The following CEP57L1 variants were observed in gnomAD, a reference collection of about 807,000 sequenced individuals.
CEP57L1 encodes the protein centrosomal protein 57 like 1.
In CEP57L1, 37 loss-of-function variants were observed where a neutral mutation model predicts 61.0. The ratio of observed to expected loss-of-function variants is 0.61; its 90% CI spans 0.47 to 0.80. The LOEUF is 0.80. Among genes scored for constraint, CEP57L1 ranks in the 30% least tolerant of loss-of-function variants. The pLI, the probability that CEP57L1 is intolerant of heterozygous loss-of-function variation, is 0.00. For synonymous variants in CEP57L1, 137 were observed against 162.3 expected (o/e 0.84, Z 1.19); for missense variants, 422 against 524.7 (o/e 0.80, Z 1.91).
chr6:109,151,657 T>C (rs1191215530), intron 4 of CEP57L1, among the ~76,000 whole-genome samples: 1 of 152,112 alleles, frequency 6.6e-6, no homozygotes. Flanking sequence ...GTTTTCCATT[T>C]GATATCATTT....
intron 1 of CEP57L1, among the ~76,000 whole-genome samples, chr6:109,112,205 G>A (rs1001053263): frequency 7.9e-5 from 12 of 152,138 alleles, no homozygotes; most frequent in Non-Finnish European, 1.5e-4. Context: ...TTCAGAACCT[G>A]TTATTGGTCT....
At chr6:109,110,790 C>T (rs1771514226) in intron 1 of CEP57L1, among the ~76,000 whole-genome samples, 1 of 152,082 alleles carries the variant, frequency 6.6e-6, no homozygotes, top group Admixed American at 6.6e-5. Context: ...GGAATTCTTT[C>T]CCCATTGCTT....
intron 9 of CEP57L1, among the ~76,000 whole-genome samples, 155 bp from the exon 10 acceptor site, chr6:109,160,417 A>G (rs1434047257): frequency 6.6e-6 from 1 of 152,214 alleles, no homozygotes; most frequent in Non-Finnish European, 1.5e-5. Flanking sequence ...TATATTTACC[A>G]TAGACTTAAT....
chr6:109,098,877 A>G (rs900765040), intron 1 of CEP57L1, among the ~76,000 whole-genome samples: 5 of 152,334 alleles, frequency 3.3e-5, no homozygotes, highest in African/African-American at 1.2e-4. Flanking sequence ...TAGGAAACTA[A>G]AGTAATAATC....
intron 4 of CEP57L1, among the ~76,000 whole-genome samples, chr6:109,152,847 G>A (rs570654620): frequency 6.6e-5 from 10 of 152,054 alleles, no homozygotes; most frequent in East Asian, 5.8e-4. Context: ...GGTAGCTCAC[G>A]CCTGTAATCC....
intron 1 of CEP57L1, among the ~76,000 whole-genome samples, chr6:109,125,492 CTA>C (rs3081793): frequency 0.13 from 18,458 of 142,812 alleles, 1,332 homozygotes; most frequent in Middle Eastern, 0.2. Flanking sequence ...TTTTTAAATG[CTA>C]TATATATATA....
At chr6:109,130,654 G>T (rs1774075346) in intron 1 of CEP57L1, 1 of 140,248 alleles carries the variant, frequency 7.1e-6, no homozygotes, top group African/African-American at 2.7e-5. Context: ...CCCCCTCTCT[G>T]CTGGTTTTGT....
intron 1 of CEP57L1, among the ~76,000 whole-genome samples, chr6:109,123,214 T>TTTA (rs759716957): frequency 3.3e-4 from 50 of 152,018 alleles, no homozygotes; most frequent in African/African-American, 8.7e-4. Context: ...TATCTTTGTT[T>TTTA]TTATTATTAT....
chr6:109,131,569 C>T (rs567558372), intron 1 of CEP57L1, among the ~76,000 whole-genome samples: 2 of 151,830 alleles, frequency 1.3e-5, no homozygotes, highest in African/African-American at 4.8e-5. Context: ...CAGTTAGTAT[C>T]TCTAAAGTAT....
intron 1 of CEP57L1, among the ~76,000 whole-genome samples, chr6:109,122,193 T>C (rs975853861): frequency 1.1e-4 from 16 of 152,196 alleles, no homozygotes; most frequent in Non-Finnish European, 2.1e-4. Flanking sequence ...TTGTTTTGTT[T>C]TGTCTTTGTT....
chr6:109,159,417 C>G lies in CEP57L1; in HGVS notation c.971C>G (p.Ser324Cys). ...TCCATTTCCATTTGTGACAATTTAT[C>G]TGAACTTTTGATGGCAATGCAAGAT... ...EKSISICDNL[S>C]ELLMAMQDEL... Residue 324 changes from serine (S) to cysteine (C), a missense_variant, in exon 9 of 11, where the codon TCT becomes TGT. Physicochemically the swap from Ser to Cys is moderately radical, Grantham distance 112 (BLOSUM62 -1). Transcript: ENST00000517392. The G allele has an allele frequency of 2.5e-6, 4 of 1,613,784 alleles. No individual in the cohort carries two copies. Among genetic ancestry groups the G allele is most frequent in the Non-Finnish European group, 3.4e-6 (4 of 1,179,792 alleles).
At chr6:109,147,332 TAAAC>T (rs900526486) in intron 3 of CEP57L1, among the ~76,000 whole-genome samples, 9 of 152,070 alleles carry the variant, frequency 5.9e-5, no homozygotes, top group Admixed American at 3.9e-4. Flanking sequence ...CACTAGTAAT[TAAAC>T]AATGTAAAAC....
chr6:109,126,840 T>G (rs1450842024), intron 1 of CEP57L1, among the ~76,000 whole-genome samples: 1 of 152,180 alleles, frequency 6.6e-6, no homozygotes, highest in East Asian at 1.9e-4. Flanking sequence ...TATAAAATAT[T>G]TGTAAAAGAT....
chr6:109,144,215 G>T (rs1202218645), intron 1 of CEP57L1, among the ~76,000 whole-genome samples: 1 of 152,148 alleles, frequency 6.6e-6, no homozygotes, highest in Non-Finnish European at 1.5e-5. Flanking sequence ...GAAGTGAAGT[G>T]TGCCTTCTGC....
chr6:109,127,860 C>T (rs1297253003), intron 1 of CEP57L1, among the ~76,000 whole-genome samples: 2 of 151,802 alleles, frequency 1.3e-5, no homozygotes, highest in Non-Finnish European at 2.9e-5. Context: ...AATCTGCTGA[C>T]CTCGTGATCC....
rs571254585 is a variant in CEP57L1 at position 109,173,133 on chromosome 6, A to C, written c.*10163A>C. Reference sequence around the variant, plus strand: ...ATAGCCACATGTCTGTGAAAAGTAAAGGGATACTTTTGTGTAATATTTAAC... The same window carrying C: ...ATAGCCACATGTCTGTGAAAAGTAACGGGATACTTTTGTGTAATATTTAAC... On this transcript the variant is annotated 3_prime_UTR_variant, in exon 11 of 11. Transcript: ENST00000517392. Among the ~76,000 whole-genome samples the C allele has an allele frequency of 4.3e-4, 66 of 152,340 alleles. No individual in the cohort carries two copies. The highest frequency in any genetic ancestry group is 3.4e-3 in the Middle Eastern group (1 of 294).
intron 1 of CEP57L1, among the ~76,000 whole-genome samples, chr6:109,111,190 C>G (rs1317112637): frequency 6.6e-6 from 1 of 152,150 alleles, no homozygotes; most frequent in Non-Finnish European, 1.5e-5. Context: ...TTTGTGTCCT[C>G]TCTTATTTCC....
intron 1 of CEP57L1, among the ~76,000 whole-genome samples, chr6:109,109,989 G>A (rs374979128): frequency 2.0e-5 from 3 of 152,110 alleles, no homozygotes; most frequent in Non-Finnish European, 2.9e-5. Context: ...GAACAGTGCC[G>A]CAGTAAACAT....
In CEP57L1 at chr6:109,163,779, T is replaced by G. The variant is rs1312487306; in HGVS notation, c.*809T>G. On this transcript the variant is annotated 3_prime_UTR_variant, in exon 11 of 11. Coordinates refer to ENST00000517392, the MANE Select transcript of CEP57L1 (RefSeq NM_001271852.3). ...TATAGAGGAAGAGGAAGCTGGGCAT[T>G]AAATTACCTCATCCAGCAGAAATTC... 6.6e-6 allele frequency: 1 copy of G among 152,118 alleles called. No individual in the cohort carries two copies. Among genetic ancestry groups the G allele is most frequent in the East Asian group, 1.9e-4 (1 of 5,198 alleles). The allele number at this position is 152,118 out of a possible 1,614,324, so 9.4% of individuals were successfully genotyped here.
Sources: gnomAD v4.1 joint callset for allele counts (sites outside exome capture counted in the v4.1 genomes callset) on GRCh38, gnomAD v4.1.1 for gene constraint, MANE v1.5 for transcripts, NCBI Gene and HGNC (gene_info 2026-07-23, HGNC 2026-07-21) for gene names.